The following RBBP4 variants were observed in gnomAD, a reference collection of about 807,000 sequenced individuals.
The protein encoded by RBBP4 is histone-binding protein RBBP4.
A neutral mutation model predicts 57.2 loss-of-function variants in RBBP4; 3 were observed. The ratio of observed to expected loss-of-function variants is 0.05; its 90% CI spans 0.02 to 0.14. The LOEUF is 0.14. RBBP4 is among the 10% of genes least tolerant of loss of function. The pLI is 1.00. For missense variants in RBBP4, 107 were observed against 520.6 expected, an observed-to-expected ratio of 0.21 and a Z score of 7.73; for synonymous variants, 151 against 171.5, an observed-to-expected ratio of 0.88 and a Z score of 0.93.
At chr1:32,678,372 G>A (rs756538131) in intron 11 of RBBP4, among the ~76,000 whole-genome samples, 2 of 151,600 alleles carry the variant, frequency 1.3e-5, no homozygotes, top group Non-Finnish European at 2.9e-5. Flanking sequence ...GATTACAGGC[G>A]CCTGTCACCA....
chr1:32,661,811 T>TC (rs71006353), intron 3 of RBBP4, among the ~76,000 whole-genome samples: 123,731 of 144,438 alleles, frequency 0.86, 54,672 homozygotes, highest in Non-Finnish European at 0.96. Flanking sequence ...CTTTTTTTTT[T>TC]CACATTCGTT....
chr1:32,669,211 T>C lies in RBBP4; in HGVS notation c.762-20T>C, dbSNP rs777286839. 3 of 1,607,230 alleles carry C rather than the reference T, an allele frequency of 1.9e-6. No homozygotes were observed. The highest frequency in any genetic ancestry group is 2.2e-5 in the East Asian group (1 of 44,816). On this transcript the variant is annotated intron_variant, in intron 6 of 11. Transcript: ENST00000373493. The surrounding 1 kb of genome is among the most constrained non-coding windows in gnomAD (Gnocchi z 4.9). ...GTCACCATTTCAAGGTTTTTTTCCTTTGTTTTTTTTTCACTGAAGTTGGGA... is the reference window on the plus strand; with the variant it reads ...GTCACCATTTCAAGGTTTTTTTCCTCTGTTTTTTTTTCACTGAAGTTGGGA...
At position 32,680,364 on chromosome 1, in the gene RBBP4, T is replaced by TG. The variant is rs1649356023; in HGVS notation, c.*659_*660insG. On this transcript the variant is annotated 3_prime_UTR_variant, in exon 12 of 12. Coordinates refer to ENST00000373493, the MANE Select transcript of RBBP4 (RefSeq NM_005610.3). ...TTTTTTTTTTTGTTGTTGGTTTTTTTTTTTTTTTTTTTAACTTGGGACCAC... is the reference window on the plus strand; with the variant it reads ...TTTTTTTTTTTGTTGTTGGTTTTTTTGTTTTTTTTTTTTAACTTGGGACCAC... 8.8e-7 allele frequency: 1 copy of TG among 1,135,250 alleles called. No individual in the cohort carries two copies. Among genetic ancestry groups the TG allele is most frequent in the Non-Finnish European group, 1.1e-6 (1 of 921,208 alleles). 70.3% of individuals were successfully genotyped at this position (1,135,250 alleles called of 1,614,324 possible). A position where few individuals can be genotyped will look rare whatever the true frequency, so the allele number is the denominator to read the frequency against.
rs537829343 is a variant in RBBP4, at chr1:32,661,507, T to C, written c.310+3935T>C. Among the ~76,000 whole-genome samples, 8 of 152,092 alleles carry C rather than the reference T, an allele frequency of 5.3e-5. No homozygotes were observed. The East Asian group carries it at 1.5e-3, about 29-fold the overall frequency. On this transcript the variant is annotated intron_variant, in intron 3 of 11. Coordinates refer to ENST00000373493, the MANE Select transcript of RBBP4 (RefSeq NM_005610.3). The stretch of plus-strand genomic sequence containing the variant: ...TGGGGTTTCTCCATGTTGGTCAGGC[T>C]GGTCTCGAACTCCCAACCTCAGGTG...
At chr1:32,673,185 C>T (rs1006730710) in intron 11 of RBBP4, among the ~76,000 whole-genome samples, 3 of 152,126 alleles carry the variant, frequency 2.0e-5, no homozygotes, top group African/African-American at 7.2e-5. Flanking sequence ...CAACATTTTC[C>T]TAGCTAACCA....
chr1:32,669,422 T>G lies in RBBP4; in HGVS notation c.889-64T>G. 6.4e-7 allele frequency: 1 copy of G among 1,570,630 alleles called. No individual in the cohort carries two copies. Among genetic ancestry groups the G allele is most frequent in the East Asian group, 2.2e-5 (1 of 44,538 alleles). On this transcript the variant is annotated intron_variant, in intron 7 of 11. Transcript: ENST00000373493. This position sits in a 1 kb window ranked among gnomAD's most constrained non-coding sequence, Gnocchi z 4.9. Reference sequence around the variant, plus strand: ...AGGTTTTTTTGAATTGCAGAGATATTTTACTTACAGTATTTTTTTTTTCTT... The same window carrying G: ...AGGTTTTTTTGAATTGCAGAGATATGTTACTTACAGTATTTTTTTTTTCTT...
At chr1:32,676,356 A>G (rs901647227) in intron 11 of RBBP4, among the ~76,000 whole-genome samples, 1 of 151,570 alleles carries the variant, frequency 6.6e-6, no homozygotes, top group African/African-American at 2.4e-5. Context: ...TGTAATTCCA[A>G]CACTTTGGGA....
At chr1:32,657,405 T>G in intron 2 of RBBP4, 22 bp from the exon 3 acceptor site, 1 of 1,604,574 alleles carries the variant, frequency 6.2e-7, no homozygotes, top group East Asian at 2.2e-5. Context: ...ATTTGAACAG[T>G]GACTATATAT....
chr1:32,669,187 T>G lies in RBBP4; in HGVS notation c.762-44T>G. ...TATCTTGTCTAAGTTTTATGTTTAG[T>G]CACCATTTCAAGGTTTTTTTCCTTT... On this transcript the variant is annotated intron_variant, in intron 6 of 11. Transcript: ENST00000373493. The surrounding 1 kb of genome is among the most constrained non-coding windows in gnomAD (Gnocchi z 4.9). 6.2e-7 allele frequency: 1 copy of G among 1,611,230 alleles called. No individual in the cohort carries two copies. Among genetic ancestry groups the G allele is most frequent in the Non-Finnish European group, 8.5e-7 (1 of 1,179,160 alleles).
intron 11 of RBBP4, among the ~76,000 whole-genome samples, chr1:32,674,032 C>T (rs1391250365): frequency 6.6e-6 from 1 of 152,042 alleles, no homozygotes; most frequent in Non-Finnish European, 1.5e-5. Flanking sequence ...ACACGGGAGG[C>T]GGAGCTTGCA....
chr1:32,663,677 C>T (rs1308121103), intron 3 of RBBP4, among the ~76,000 whole-genome samples: 2 of 151,538 alleles, frequency 1.3e-5, no homozygotes, highest in African/African-American at 2.4e-5. Context: ...CCCAGGTTCA[C>T]GCCATTCTCC....
At chr1:32,662,577 C>T (rs1204944376) in intron 3 of RBBP4, among the ~76,000 whole-genome samples, 5 of 151,104 alleles carry the variant, frequency 3.3e-5, no homozygotes, top group Non-Finnish European at 7.4e-5. Flanking sequence ...GGTTTCACTA[C>T]GTTGGCCAGG....
Position 32,660,150 on chromosome 1 carries a change from C to T in RBBP4, c.310+2578C>T, listed in dbSNP as rs1570842765. On this transcript the variant is annotated intron_variant, in intron 3 of 11. Coordinates refer to ENST00000373493, the MANE Select transcript of RBBP4 (RefSeq NM_005610.3). ...TTGCCCGTATTTCCTTTTGAGTTAC[C>T]TCTTCATATAAGGTAAATTATACCT... 2.0e-5 allele frequency among the ~76,000 whole-genome samples: 3 copies of T among 152,216 alleles called. No individual in the cohort carries two copies. The South Asian group carries it at 6.2e-4, about 32-fold the overall frequency.
At chr1:32,658,553 T>A (rs1648247311) in intron 3 of RBBP4, among the ~76,000 whole-genome samples, 1 of 150,630 alleles carries the variant, frequency 6.6e-6, no homozygotes, top group Admixed American at 6.6e-5. Flanking sequence ...CGCTTTCCTT[T>A]TTTTTTTTTT....
chr1:32,685,239 C>T lies in RBBP4; in HGVS notation c.*5534C>T, dbSNP rs886697727. 1 of 152,174 alleles carries T rather than the reference C, an allele frequency of 6.6e-6. No homozygotes were observed. Among genetic ancestry groups the T allele is most frequent in the African/African-American group, 2.4e-5 (1 of 41,442 alleles). 9.4% of individuals were successfully genotyped at this position (152,174 alleles called of 1,614,324 possible). A position where few individuals can be genotyped will look rare whatever the true frequency, so the allele number is the denominator to read the frequency against. ...TATGCACAGGAGGCCCTTGGGAGCC[C>T]TCAGATAACTTTCTCATTCTTCCAG... On this transcript the variant is annotated 3_prime_UTR_variant, in exon 12 of 12. Transcript: ENST00000373493.
At chr1:32,665,275 G>A (rs908825105) in intron 3 of RBBP4, among the ~76,000 whole-genome samples, 13 of 152,094 alleles carry the variant, frequency 8.5e-5, no homozygotes, top group African/African-American at 3.1e-4. Context: ...TTTAGCCTGT[G>A]TGAAACATTT....
rs989829448 is a variant in RBBP4, at chr1:32,682,214, T to G, written c.*2509T>G. The G allele has an allele frequency of 4.3e-6, 1 of 232,328 alleles. No individual in the cohort carries two copies. Among genetic ancestry groups the G allele is most frequent in the Non-Finnish European group, 8.4e-6 (1 of 118,396 alleles). The allele number at this position is 232,328 out of a possible 1,614,324, so 14.4% of individuals were successfully genotyped here. A position where few individuals can be genotyped will look rare whatever the true frequency, so the allele number is the denominator to read the frequency against. ...ACCTCAATTGCAAGGTTATAATTTC[T>G]CAAACATTAAGCATATTATCAGTCA... is the stretch of plus-strand genomic sequence containing the variant. On this transcript the variant is annotated 3_prime_UTR_variant, in exon 12 of 12. Transcript: ENST00000373493.
intron 11 of RBBP4, among the ~76,000 whole-genome samples, chr1:32,677,470 TA>T (rs10626684): frequency 2.7e-5 from 4 of 147,208 alleles, no homozygotes; most frequent in East Asian, 2.0e-4. Context: ...ATCCTTTATT[TA>T]AAAAAAAAAA....
At chr1:32,658,502 G>A (rs1167596031) in intron 3 of RBBP4, among the ~76,000 whole-genome samples, 1 of 151,666 alleles carries the variant, frequency 6.6e-6, no homozygotes, top group Non-Finnish European at 1.5e-5. Flanking sequence ...CCTGTTTTTA[G>A]GCCATAACCT....
Sources: gnomAD v4.1 joint callset for allele counts (sites outside exome capture counted in the v4.1 genomes callset) on GRCh38, gnomAD v4.1.1 for gene constraint, Gnocchi (gnomAD v3.1) non-coding constraint, MANE v1.5 for transcripts, NCBI Gene and HGNC (gene_info 2026-07-23, HGNC 2026-07-21) for gene names.